The following CPA6 variants were observed in gnomAD, a reference collection of about 807,000 sequenced individuals.
CPA6 encodes the protein carboxypeptidase A6.
In CPA6, 58 loss-of-function variants were observed where a neutral mutation model predicts 63.3. The ratio of observed to expected loss-of-function variants is 0.92; its 90% CI spans 0.74 to 1.14. The LOEUF (loss-of-function observed/expected upper bound fraction) is 1.14, where lower values mean the gene tolerates loss of function less well. CPA6 is among the 50% of genes most tolerant of loss of function. The pLI, the probability that CPA6 is intolerant of heterozygous loss-of-function variation, is 0.00. For missense variants in CPA6, 565 were observed against 526.6 expected, an observed-to-expected ratio of 1.07 and a Z score of -0.71; for synonymous variants, 185 against 179.0, an observed-to-expected ratio of 1.03 and a Z score of -0.27.
chr8:67,594,827 T>G (rs1325876116), intron 2 of CPA6, among the ~76,000 whole-genome samples: 1 of 152,204 alleles, frequency 6.6e-6, no homozygotes, highest in African/African-American at 2.4e-5. Flanking sequence ...TGGTTTGAAT[T>G]TCCTCCTGTA....
chr8:67,720,719 G>A (rs758515229), intron 1 of CPA6, among the ~76,000 whole-genome samples: 14 of 152,128 alleles, frequency 9.2e-5, no homozygotes, highest in East Asian at 1.9e-4. Flanking sequence ...ATTTTATATC[G>A]CCGCATTGTG....
At chr8:67,625,139 C>G (rs1004853698) in intron 1 of CPA6, among the ~76,000 whole-genome samples, 5 of 152,038 alleles carry the variant, frequency 3.3e-5, no homozygotes, top group African/African-American at 1.2e-4. Flanking sequence ...ATCTCACTGT[C>G]AGGATGTGAT....
chr8:67,590,461 C>A (rs1587606276), intron 2 of CPA6, among the ~76,000 whole-genome samples: 1 of 151,698 alleles, frequency 6.6e-6, no homozygotes, highest in South Asian at 2.1e-4. Context: ...TGAGGAATCG[C>A]CACACTGACT....
chr8:67,727,237 T>C (rs930913381), intron 1 of CPA6, among the ~76,000 whole-genome samples: 2 of 152,206 alleles, frequency 1.3e-5, no homozygotes, highest in Admixed American at 1.3e-4. Flanking sequence ...TATAGTTAAC[T>C]ATATCATATA....
chr8:67,448,479 A>C (rs1264756500), intron 8 of CPA6, among the ~76,000 whole-genome samples: 1 of 151,694 alleles, frequency 6.6e-6, no homozygotes, highest in African/African-American at 2.4e-5. Flanking sequence ...AAAAATACAA[A>C]AAATTAGCTG....
Position 67,687,236 on chromosome 8 carries a change from G to A in CPA6, c.116+58778C>T, listed in dbSNP as rs1006121501. On this transcript the variant is annotated intron_variant, in intron 1 of 10. Coordinates refer to ENST00000297770, the MANE Select transcript of CPA6 (RefSeq NM_020361.5). ...AGTTTTAGCACTGAAAGTCCCATGA[G>A]CAGGGAAGGGCCTCAGTCCTGAGCC... Among the ~76,000 whole-genome samples the A allele has an allele frequency of 5.3e-5, 8 of 152,328 alleles. No individual in the cohort carries two copies. In the East Asian group the frequency reaches 7.7e-4, roughly 15 times the overall value.
intron 1 of CPA6, among the ~76,000 whole-genome samples, chr8:67,682,789 T>C (rs1816623967): frequency 6.6e-6 from 1 of 152,230 alleles, no homozygotes; most frequent in Non-Finnish European, 1.5e-5. Context: ...CCTGAGAACC[T>C]GTGAATTATG....
chr8:67,466,553 G>C lies in CPA6; in HGVS notation c.838+17215C>G, dbSNP rs557928562. ...TCTAGTTGCTGTAGGTGTTATGTTA[G>C]ATCATTAATTTGGGCTTTCTAACTT... On this transcript the variant is annotated intron_variant, in intron 8 of 10. Transcript: ENST00000297770. Among the ~76,000 whole-genome samples the C allele has an allele frequency of 2.6e-5, 4 of 152,264 alleles. No homozygotes were observed. In the South Asian group the frequency reaches 8.3e-4, roughly 31 times the overall value.
intron 8 of CPA6, among the ~76,000 whole-genome samples, chr8:67,473,434 T>C (rs1811107188): frequency 1.3e-5 from 2 of 152,106 alleles, no homozygotes; most frequent in South Asian, 4.1e-4. Context: ...CAGTAATGAA[T>C]ACAAGGAAAA....
intron 1 of CPA6, among the ~76,000 whole-genome samples, chr8:67,721,463 T>C (rs138652117): frequency 2.0e-5 from 3 of 152,330 alleles, no homozygotes; most frequent in African/African-American, 7.2e-5. Context: ...CAACTAGGAT[T>C]TGTATACTAG....
At chr8:67,515,620 C>T (rs996598398) in intron 3 of CPA6, among the ~76,000 whole-genome samples, 7 of 148,304 alleles carry the variant, frequency 4.7e-5, no homozygotes, top group Admixed American at 1.3e-4. Flanking sequence ...CTGCTTTCCT[C>T]GAACTCTTGG....
intron 10 of CPA6, among the ~76,000 whole-genome samples, chr8:67,422,924 G>C (rs566431649): frequency 6.6e-6 from 1 of 152,124 alleles, no homozygotes; most frequent in Non-Finnish European, 1.5e-5. Flanking sequence ...TGCCTTACCA[G>C]CACGAAGACT....
At chr8:67,689,612 T>C (rs1046029922) in intron 1 of CPA6, among the ~76,000 whole-genome samples, 2 of 152,234 alleles carry the variant, frequency 1.3e-5, no homozygotes, top group African/African-American at 4.8e-5. Flanking sequence ...ATTTCATTCT[T>C]TTATATAGCT....
chr8:67,524,614 T>A (rs77656407), intron 2 of CPA6, among the ~76,000 whole-genome samples: 4 of 56,788 alleles, frequency 7.0e-5, no homozygotes, highest in African/African-American at 2.0e-4. Context: ...TTGAAAAAAC[T>A]TTTTTTGTTT....
chr8:67,531,566 A>G (rs1253652574), intron 2 of CPA6, among the ~76,000 whole-genome samples: 1 of 152,150 alleles, frequency 6.6e-6, no homozygotes, highest in Non-Finnish European at 1.5e-5. Context: ...ACGTATATAC[A>G]TATGTATGCT....
At chr8:67,731,010 T>G (rs1817695599) in intron 1 of CPA6, among the ~76,000 whole-genome samples, 1 of 152,240 alleles carries the variant, frequency 6.6e-6, no homozygotes, top group African/African-American at 2.4e-5. Flanking sequence ...GAAATGAGAC[T>G]GGGTGACCAT....
rs112504274 is a variant in CPA6 at position 67,557,675 on chromosome 8, C to T, written c.193-39628G>A. On this transcript the variant is annotated intron_variant, in intron 2 of 10. Coordinates refer to ENST00000297770, the MANE Select transcript of CPA6 (RefSeq NM_020361.5). Reference sequence around the variant, plus strand: ...GGCACCAGTATCAGCCAGTGCCCCCCTCAGAGGTCTGAATTCTGGCTCCAT... The same window carrying T: ...GGCACCAGTATCAGCCAGTGCCCCCTTCAGAGGTCTGAATTCTGGCTCCAT... Among the ~76,000 whole-genome samples, 7 of 152,288 alleles carry T rather than the reference C, an allele frequency of 4.6e-5. 1 individual carries two copies. Among genetic ancestry groups the T allele is most frequent in the African/African-American group, 1.7e-4 (7 of 41,570 alleles).
At chr8:67,684,673 C>T (rs958320800) in intron 1 of CPA6, among the ~76,000 whole-genome samples, 1 of 152,212 alleles carries the variant, frequency 6.6e-6, no homozygotes, top group African/African-American at 2.4e-5. Context: ...TGCTCACCCT[C>T]TTCTGACAAA....
At chr8:67,533,696 A>T (rs532311584) in intron 2 of CPA6, among the ~76,000 whole-genome samples, 2 of 152,344 alleles carry the variant, frequency 1.3e-5, no homozygotes, top group East Asian at 3.9e-4. Flanking sequence ...TTTATGTTGC[A>T]TTCTTCATGG....
Sources: allele counts gnomAD v4.1 joint callset (sites outside exome capture counted in the v4.1 genomes callset), GRCh38; gene constraint gnomAD v4.1.1; transcripts MANE v1.5; gene names NCBI Gene and HGNC (gene_info 2026-07-23, HGNC 2026-07-21).